CCDC102B: variants seen among roughly 807,000 people sequenced by gnomAD.
The protein encoded by CCDC102B is coiled-coil domain containing 102B.
Under a neutral mutation model 57.4 loss-of-function variants are expected in CCDC102B, and 75 were observed. The observed-to-expected ratio is 1.31, with a 90% CI of 1.08 to 1.58. The LOEUF is 1.58. Ranked by LOEUF, CCDC102B falls within the 40% of genes most tolerant of loss-of-function variation. CCDC102B has a pLI of 0.00. For missense variants in CCDC102B, 636 were observed against 582.6 expected, an observed-to-expected ratio of 1.09 and a Z score of -0.94; for synonymous variants, 206 against 201.9, an observed-to-expected ratio of 1.02 and a Z score of -0.17.
At chr18:68,911,541 A>G (rs1419279040) in intron 6 of CCDC102B, among the ~76,000 whole-genome samples, 4 of 150,306 alleles carry the variant, frequency 2.7e-5, no homozygotes, top group Non-Finnish European at 4.4e-5. Flanking sequence ...TCACGAGGTC[A>G]GGAGATCGAG....
intron 1 of CCDC102B, among the ~76,000 whole-genome samples, chr18:68,809,208 A>G (rs1317881930): frequency 1.3e-5 from 2 of 152,324 alleles, no homozygotes; most frequent in East Asian, 3.9e-4. Flanking sequence ...ACATGTTACC[A>G]TGGGTGGGTG....
intron 2 of CCDC102B, among the ~76,000 whole-genome samples, chr18:68,742,987 A>G (rs1433493654): frequency 6.6e-6 from 1 of 152,118 alleles, no homozygotes; most frequent in Non-Finnish European, 1.5e-5. Context: ...TTAAATTCTG[A>G]CCCTTAGGGC....
intron 6 of CCDC102B, among the ~76,000 whole-genome samples, chr18:68,915,196 G>A (rs1291938396): frequency 6.6e-6 from 1 of 152,198 alleles, no homozygotes; most frequent in East Asian, 1.9e-4. Context: ...GAGACAGGTT[G>A]GTGGCTGTTT....
intron 5 of CCDC102B, among the ~76,000 whole-genome samples, chr18:68,878,737 C>G (rs1044359686): frequency 6.6e-6 from 1 of 152,038 alleles, no homozygotes; most frequent in Non-Finnish European, 1.5e-5. Flanking sequence ...TATAAGCTAC[C>G]CAGGTTATGA....
At chr18:68,752,758 AT>A (rs2033907361) in intron 2 of CCDC102B, among the ~76,000 whole-genome samples, 1 of 152,108 alleles carries the variant, frequency 6.6e-6, no homozygotes, top group African/African-American at 2.4e-5. Context: ...GTTGTTTTGA[AT>A]TTTGTATGAT....
intron 2 of CCDC102B, among the ~76,000 whole-genome samples, chr18:68,773,882 C>G (rs1413574816): frequency 6.6e-6 from 1 of 151,948 alleles, no homozygotes; most frequent in Non-Finnish European, 1.5e-5. Context: ...TATATTAACT[C>G]AGTCACACAT....
intron 4 of CCDC102B, among the ~76,000 whole-genome samples, chr18:68,870,924 A>G (rs2039216223): frequency 6.6e-6 from 1 of 152,214 alleles, no homozygotes; most frequent in Admixed American, 6.5e-5. Context: ...TTTCTACCAT[A>G]TATGAATAAG....
chr18:68,977,644 GATA>G (rs1254980100), intron 6 of CCDC102B, among the ~76,000 whole-genome samples: 1 of 151,474 alleles, frequency 6.6e-6, no homozygotes, highest in African/African-American at 2.4e-5. Flanking sequence ...CATTAAATAT[GATA>G]ATGATGATGA....
At chr18:69,015,312 A>C (rs140805459) in intron 7 of CCDC102B, among the ~76,000 whole-genome samples, 3 of 152,218 alleles carry the variant, frequency 2.0e-5, no homozygotes. Flanking sequence ...ATTAACTCAC[A>C]TGCATATTTT....
intron 1 of CCDC102B, among the ~76,000 whole-genome samples, chr18:68,827,484 G>A (rs532439596): frequency 6.6e-6 from 1 of 151,840 alleles, no homozygotes; most frequent in African/African-American, 2.4e-5. Flanking sequence ...TATGAAAACT[G>A]TACAAAGTGA....
At chr18:68,905,519 C>A (rs903991297) in intron 6 of CCDC102B, among the ~76,000 whole-genome samples, 1 of 151,218 alleles carries the variant, frequency 6.6e-6, no homozygotes, top group Non-Finnish European at 1.5e-5. Context: ...AATTTCATAA[C>A]ATAAAATTAA....
chr18:68,914,514 C>T (rs2040992902), intron 6 of CCDC102B, among the ~76,000 whole-genome samples: 1 of 152,154 alleles, frequency 6.6e-6, no homozygotes. Context: ...CCTGTGGATG[C>T]ATTAAAATAA....
intron 6 of CCDC102B, among the ~76,000 whole-genome samples, chr18:68,912,181 A>AGTG (rs2040899833): frequency 1.9e-5 from 2 of 103,430 alleles, no homozygotes; most frequent in Non-Finnish European, 4.2e-5. Context: ...TCTACAAAGT[A>AGTG]AGGTCTATAT....
intron 7 of CCDC102B, among the ~76,000 whole-genome samples, chr18:69,015,031 A>G (rs1040416921): frequency 1.4e-4 from 21 of 149,182 alleles, no homozygotes; most frequent in Admixed American, 4.1e-4. Flanking sequence ...GAGAGAGAGA[A>G]AAAAAATTTG....
intron 4 of CCDC102B, among the ~76,000 whole-genome samples, chr18:68,851,156 CTT>C (rs1218345364): frequency 6.6e-6 from 1 of 152,190 alleles, no homozygotes; most frequent in African/African-American, 2.4e-5. Flanking sequence ...TAACACTTCT[CTT>C]AATAGCTATA....
chr18:68,822,476 T>G (rs532428380), intron 1 of CCDC102B, among the ~76,000 whole-genome samples: 2 of 152,036 alleles, frequency 1.3e-5, no homozygotes, highest in African/African-American at 4.8e-5. Flanking sequence ...AATTTGAAAT[T>G]GGGCATTTAA....
chr18:68,905,947 C>T (rs1436479242), intron 6 of CCDC102B, among the ~76,000 whole-genome samples: 1 of 151,888 alleles, frequency 6.6e-6, no homozygotes, highest in East Asian at 1.9e-4. Flanking sequence ...GCGCCCGCCA[C>T]CACGCCCGGC....
rs1375937394 is a variant in CCDC102B at position 68,916,818 on chromosome 18, A to G, written c.1263+19390A>G. Among the ~76,000 whole-genome samples the G allele has an allele frequency of 4.6e-5, 7 of 152,314 alleles. No individual in the cohort carries two copies. In the South Asian group the frequency reaches 1.2e-3, roughly 27 times the overall value. On this transcript the variant is annotated intron_variant, in intron 6 of 7. Coordinates refer to ENST00000360242, the MANE Select transcript of CCDC102B (RefSeq NM_024781.3). ...GGAAATGATGACTCAGATTGAGGTCAGAAGGATGAAAGGAAATCGGTACCT... is the reference window on the plus strand; with the variant it reads ...GGAAATGATGACTCAGATTGAGGTCGGAAGGATGAAAGGAAATCGGTACCT...
chr18:68,836,936 G>A lies in CCDC102B; in HGVS notation c.173G>A (p.Cys58Tyr), dbSNP rs775750166. 3.2e-5 allele frequency: 52 copies of A among 1,613,996 alleles called. No homozygotes were observed. The highest frequency in any genetic ancestry group is 1.6e-4 in the Middle Eastern group (1 of 6,084). Residue 58 changes from cysteine (C) to tyrosine (Y), a missense_variant, in exon 2 of 8, where the codon TGT (cysteine) becomes TAT (tyrosine). Cys to Tyr is a radical substitution (Grantham distance 194). Coordinates refer to ENST00000360242, the MANE Select transcript of CCDC102B (RefSeq NM_024781.3). ...GLQSHAAHNF[C>Y]AHSYNTNKWD... Reference sequence around the variant, plus strand: ...CAATCTCATGCTGCTCACAATTTCTGTGCTCACTCATATAACACCAACAAA... The same window carrying A: ...CAATCTCATGCTGCTCACAATTTCTATGCTCACTCATATAACACCAACAAA...
Sources: gnomAD v4.1 joint callset for allele counts (sites outside exome capture counted in the v4.1 genomes callset) on GRCh38, gnomAD v4.1.1 for gene constraint, MANE v1.5 for transcripts, NCBI Gene and HGNC (gene_info 2026-07-23, HGNC 2026-07-21) for gene names.